HIKESHI: variants seen among roughly 807,000 people sequenced by gnomAD.
HIKESHI encodes the protein heat shock protein nuclear import factor hikeshi, also known as protein Hikeshi.
In HIKESHI, 13 loss-of-function variants were observed where a neutral mutation model predicts 25.7. The observed-to-expected ratio is 0.51, with a 90% CI of 0.33 to 0.80. The LOEUF is 0.80. Among genes scored for constraint, HIKESHI ranks in the 30% least tolerant of loss-of-function variants. The probability of loss-of-function intolerance (pLI) is 0.02; values close to 1 mark genes in which losing one functional copy is unlikely to be tolerated. For missense variants in HIKESHI, 174 were observed against 229.5 expected, an observed-to-expected ratio of 0.76 and a Z score of 1.56; for synonymous variants, 76 against 78.7, an observed-to-expected ratio of 0.97 and a Z score of 0.18.
In HIKESHI at chr11:86,344,605, C is replaced by T. The variant is rs1313262106; in HGVS notation, c.423C>T (p.Phe141=). The change falls in exon 4 of 5, where the codon TTC becomes TTT. Residue 141 remains phenylalanine (F), a splice_region_variant and synonymous_variant. Coordinates refer to ENST00000278483, the MANE Select transcript of HIKESHI (RefSeq NM_016401.4). ...TTAATCTATTATTAACTTTTCAGTT[C>T]ACACAAAAGATGTTGGACAATTTCT... is the stretch of plus-strand genomic sequence containing the variant. ...AVSSVDSFTQ[F]TQKMLDNFYN... The T allele has an allele frequency of 1.3e-6, 2 of 1,559,736 alleles. No individual in the cohort carries two copies. Among genetic ancestry groups the T allele is most frequent in the East Asian group, 2.2e-5 (1 of 44,450 alleles).
intron 2 of HIKESHI, 56 bp downstream of exon 2, chr11:86,306,538 G>C: frequency 1.9e-6 from 2 of 1,031,138 alleles, no homozygotes; most frequent in Non-Finnish European, 2.9e-6. Flanking sequence ...TTCTTAAATA[G>C]CATAACATGG....
intron 2 of HIKESHI, among the ~76,000 whole-genome samples, chr11:86,312,522 C>A (rs181561678): frequency 6.7e-6 from 1 of 149,668 alleles, no homozygotes; most frequent in African/African-American, 2.5e-5. Flanking sequence ...AATTTGCCAG[C>A]CTGTGTCTTT....
intron 2 of HIKESHI, 94 bp downstream of exon 2, chr11:86,306,576 G>T: frequency 2.8e-6 from 2 of 704,508 alleles, no homozygotes; most frequent in South Asian, 2.2e-5. Flanking sequence ...TTTAGATTGT[G>T]TTTTTCTGGT....
chr11:86,310,680 TATG>T (rs1250246351), intron 2 of HIKESHI, among the ~76,000 whole-genome samples: 2 of 152,226 alleles, frequency 1.3e-5, no homozygotes, highest in African/African-American at 4.8e-5. Context: ...GCCCATTCAG[TATG>T]ATATTGGCTG....
At chr11:86,330,487 A>G (rs1343420929) in intron 2 of HIKESHI, among the ~76,000 whole-genome samples, 1 of 152,216 alleles carries the variant, frequency 6.6e-6, no homozygotes, top group Non-Finnish European at 1.5e-5. Context: ...TACTCTGCAT[A>G]TTTTCTTCAA....
chr11:86,310,905 A>T (rs1200044852), intron 2 of HIKESHI, among the ~76,000 whole-genome samples: 1 of 152,188 alleles, frequency 6.6e-6, no homozygotes, highest in Non-Finnish European at 1.5e-5. Flanking sequence ...CATCCCAGGG[A>T]TGAAGCCCAC....
chr11:86,316,682 AAC>A (rs1946988248), intron 2 of HIKESHI, among the ~76,000 whole-genome samples: 1 of 151,924 alleles, frequency 6.6e-6, no homozygotes, highest in Non-Finnish European at 1.5e-5. Context: ...TACCAGAGAA[AAC>A]AGAGATTCCA....
chr11:86,310,826 GT>G (rs1460646223), intron 2 of HIKESHI, among the ~76,000 whole-genome samples: 2 of 152,096 alleles, frequency 1.3e-5, no homozygotes, highest in Non-Finnish European at 2.9e-5. Context: ...ATATCATGTG[GT>G]TTTTGTCTTT....
chr11:86,306,907 G>C (rs1032041272), intron 2 of HIKESHI, among the ~76,000 whole-genome samples: 2 of 151,134 alleles, frequency 1.3e-5, no homozygotes, highest in Non-Finnish European at 2.9e-5. Flanking sequence ...GGCTGAGGCA[G>C]GAGAATGGTG....
intron 2 of HIKESHI, among the ~76,000 whole-genome samples, chr11:86,321,137 G>A (rs1364660477): frequency 6.6e-6 from 1 of 152,100 alleles, no homozygotes; most frequent in African/African-American, 2.4e-5. Context: ...GTTTCACCAT[G>A]TTGGCCAGGC....
chr11:86,303,429 C>T, intron 1 of HIKESHI: 8 of 982,792 alleles, frequency 8.1e-6, no homozygotes, highest in Non-Finnish European at 8.5e-6. Context: ...ACTGGGAGAC[C>T]CCTGTGGTGA....
At chr11:86,318,970 G>T (rs1178984341) in intron 2 of HIKESHI, among the ~76,000 whole-genome samples, 1 of 152,082 alleles carries the variant, frequency 6.6e-6, no homozygotes, top group Admixed American at 6.6e-5. Context: ...AGGCTGGAGT[G>T]CAATGTCCAC....
At chr11:86,331,390 G>C (rs1185445138) in intron 2 of HIKESHI, among the ~76,000 whole-genome samples, 1 of 152,190 alleles carries the variant, frequency 6.6e-6, no homozygotes, top group Non-Finnish European at 1.5e-5. Context: ...TCAGGAATAT[G>C]AGGCAGGAGT....
intron 2 of HIKESHI, among the ~76,000 whole-genome samples, chr11:86,317,333 A>G (rs1007959585): frequency 2.6e-5 from 4 of 152,142 alleles, no homozygotes; most frequent in African/African-American, 9.7e-5. Flanking sequence ...AAAAACAGAA[A>G]CAAAAAAATG....
At chr11:86,303,916 C>T (rs115098044) in intron 1 of HIKESHI, among the ~76,000 whole-genome samples, 1,665 of 152,206 alleles carry the variant, frequency 0.011, 30 homozygotes, top group African/African-American at 0.038. Context: ...AAAGTTGACA[C>T]TTAAGAAATA....
rs558885195 is a variant in HIKESHI, at chr11:86,341,053, AT to A, written c.420+3528del. ...TCAACTTCCCTCCCCTTTTTAATCT[AT>A]TTTTCCTAGTGTCTGTTATTTCCAT... On this transcript the variant is annotated intron_variant, in intron 3 of 4. Coordinates refer to ENST00000278483, the MANE Select transcript of HIKESHI (RefSeq NM_016401.4). Among the ~76,000 whole-genome samples the A allele has an allele frequency of 1.8e-3, 274 of 152,056 alleles. 1 individual carries two copies. The highest frequency in any genetic ancestry group is 6.5e-3 in the African/African-American group (269 of 41,448).
chr11:86,332,651 C>T (rs1947454397), intron 2 of HIKESHI, among the ~76,000 whole-genome samples: 1 of 151,702 alleles, frequency 6.6e-6, no homozygotes, highest in South Asian at 2.1e-4. Flanking sequence ...AAAAAGGGGG[C>T]TAAAATAAAA....
intron 2 of HIKESHI, among the ~76,000 whole-genome samples, chr11:86,312,260 T>A (rs985181489): frequency 2.6e-5 from 4 of 152,180 alleles, no homozygotes; most frequent in Non-Finnish European, 4.4e-5. Flanking sequence ...TGGGTGCATA[T>A]ATATTTAGGA....
chr11:86,308,260 AT>A (rs1406196012), intron 2 of HIKESHI, among the ~76,000 whole-genome samples: 1 of 107,274 alleles, frequency 9.3e-6, no homozygotes, highest in African/African-American at 4.3e-5. Flanking sequence ...TATATTACAT[AT>A]AAAATGTGTA....
Sources: allele counts gnomAD v4.1 joint callset (sites outside exome capture counted in the v4.1 genomes callset), GRCh38; gene constraint gnomAD v4.1.1; transcripts MANE v1.5; gene names NCBI Gene and HGNC (gene_info 2026-07-23, HGNC 2026-07-21).